ATRNL1: variants seen among roughly 807,000 people sequenced by gnomAD.
ATRNL1 encodes the protein attractin-like protein 1.
ATRNL1 carries 95 observed loss-of-function variants against 182.7 expected under a neutral mutation model. The observed-to-expected ratio is 0.52, with a 90% CI of 0.44 to 0.62. The LOEUF is 0.62. ATRNL1 is among the 20% of genes least tolerant of loss of function. The pLI, the probability that ATRNL1 is intolerant of heterozygous loss-of-function variation, is 0.00. For missense variants in ATRNL1, 1,471 were observed against 1,679.5 expected, an observed-to-expected ratio of 0.88 and a Z score of 2.17; for synonymous variants, 576 against 568.3, an observed-to-expected ratio of 1.01 and a Z score of -0.19.
At chr10:115,700,934 A>G (rs1946715064) in intron 26 of ATRNL1, among the ~76,000 whole-genome samples, 1 of 152,098 alleles carries the variant, frequency 6.6e-6, no homozygotes, top group Non-Finnish European at 1.5e-5. Context: ...CTGGGCTTAA[A>G]TTCTATGCTT....
chr10:115,257,220 C>A (rs1311389341), intron 10 of ATRNL1, among the ~76,000 whole-genome samples: 1 of 152,112 alleles, frequency 6.6e-6, no homozygotes, highest in Non-Finnish European at 1.5e-5. Context: ...CTAATGTTGA[C>A]AGTGGGGTTT....
intron 8 of ATRNL1, among the ~76,000 whole-genome samples, chr10:115,206,221 G>A (rs1211509454): frequency 2.0e-5 from 3 of 151,940 alleles, no homozygotes; most frequent in African/African-American, 7.2e-5. Flanking sequence ...TTATTTTTCT[G>A]TAGCAGCTTT....
intron 8 of ATRNL1, among the ~76,000 whole-genome samples, chr10:115,215,287 A>T (rs567455855): frequency 1.5e-4 from 23 of 152,324 alleles, no homozygotes; most frequent in African/African-American, 5.5e-4. Flanking sequence ...AATGTGTTCA[A>T]TTAATTTTAG....
chr10:115,420,913 T>C (rs1845621851), intron 20 of ATRNL1, among the ~76,000 whole-genome samples: 1 of 152,108 alleles, frequency 6.6e-6, no homozygotes, highest in Non-Finnish European at 1.5e-5. Flanking sequence ...GAGACTATAA[T>C]GAGCAATGAT....
intron 26 of ATRNL1, among the ~76,000 whole-genome samples, chr10:115,618,854 T>G (rs782700201): frequency 2.0e-5 from 3 of 152,202 alleles, no homozygotes; most frequent in Non-Finnish European, 2.9e-5. Flanking sequence ...GGAGTATTAT[T>G]ATGTTCCTTG....
intron 18 of ATRNL1, among the ~76,000 whole-genome samples, chr10:115,324,596 A>C (rs1854772788): frequency 6.6e-6 from 1 of 152,226 alleles, no homozygotes; most frequent in Admixed American, 6.5e-5. Flanking sequence ...ATTGCCATAT[A>C]AGCCTGACAT....
At chr10:115,760,456 G>A (rs1426778026) in intron 27 of ATRNL1, among the ~76,000 whole-genome samples, 24 of 152,132 alleles carry the variant, frequency 1.6e-4, no homozygotes, top group African/African-American at 5.3e-4. Flanking sequence ...TAAATGGTAA[G>A]TCTAGAAGAC....
intron 24 of ATRNL1, among the ~76,000 whole-genome samples, chr10:115,503,354 T>G (rs782593125): frequency 1.6e-4 from 25 of 152,018 alleles, no homozygotes; most frequent in Non-Finnish European, 2.5e-4. Context: ...CTTTAGAGCT[T>G]TAAGAAAATA....
intron 26 of ATRNL1, among the ~76,000 whole-genome samples, chr10:115,579,128 A>T (rs1286810358): frequency 6.6e-6 from 1 of 151,804 alleles, no homozygotes; most frequent in Non-Finnish European, 1.5e-5. Context: ...AACGTGATCT[A>T]TCCTAGAGAC....
At chr10:115,788,196 A>T (rs1276133230) in intron 27 of ATRNL1, among the ~76,000 whole-genome samples, 4 of 152,208 alleles carry the variant, frequency 2.6e-5, no homozygotes, top group African/African-American at 9.6e-5. Context: ...CTGAGTTGAT[A>T]CTGGGTTTCG....
rs560241856 is a variant in ATRNL1 at position 115,811,880 on chromosome 10, A to T, written c.3904-35997A>T. 1.6e-4 allele frequency among the ~76,000 whole-genome samples: 25 copies of T among 152,198 alleles called. No individual in the cohort carries two copies. The South Asian group carries it at 5.2e-3, about 31-fold the overall frequency. On this transcript the variant is annotated intron_variant, in intron 27 of 28. Coordinates refer to ENST00000355044, the MANE Select transcript of ATRNL1 (RefSeq NM_207303.4). ...AACATTTAATTATAAAAATATGTGA[A>T]AATTTGAAAATACTGATAGTCAAAA...
At chr10:115,833,534 C>T (rs1950603665) in intron 27 of ATRNL1, among the ~76,000 whole-genome samples, 1 of 152,080 alleles carries the variant, frequency 6.6e-6, no homozygotes, top group African/African-American at 2.4e-5. Context: ...CTATGTTAAA[C>T]AGACCATTAA....
intron 8 of ATRNL1, among the ~76,000 whole-genome samples, chr10:115,174,870 A>G (rs1413115841): frequency 2.6e-5 from 4 of 151,732 alleles, no homozygotes; most frequent in Non-Finnish European, 5.9e-5. Flanking sequence ...TTTTTTTTGG[A>G]CATTATATAT....
chr10:115,611,892 A>C (rs1395985310), intron 26 of ATRNL1, among the ~76,000 whole-genome samples: 3 of 152,166 alleles, frequency 2.0e-5, no homozygotes, highest in African/African-American at 7.2e-5. Context: ...CAAAGAACTA[A>C]ATTGACAAGA....
intron 27 of ATRNL1, among the ~76,000 whole-genome samples, chr10:115,762,001 A>C (rs575288330): frequency 1.1e-4 from 16 of 152,306 alleles, no homozygotes; most frequent in African/African-American, 3.8e-4. Context: ...TCTTTTAAGT[A>C]TCTAAGATCA....
chr10:115,851,022 C>A (rs1951041721), intron 28 of ATRNL1, among the ~76,000 whole-genome samples: 1 of 152,132 alleles, frequency 6.6e-6, no homozygotes, highest in East Asian at 1.9e-4. Flanking sequence ...AATTAGCGTT[C>A]ATTATTAAGA....
At chr10:115,908,541 A>G (rs569470294) in intron 28 of ATRNL1, among the ~76,000 whole-genome samples, 27 of 152,302 alleles carry the variant, frequency 1.8e-4, no homozygotes, top group African/African-American at 5.8e-4. Context: ...CAGGTTGTCC[A>G]GGATAATCTC....
intron 19 of ATRNL1, among the ~76,000 whole-genome samples, chr10:115,337,796 A>G (rs1855562847): frequency 6.6e-6 from 1 of 152,152 alleles, no homozygotes; most frequent in Non-Finnish European, 1.5e-5. Flanking sequence ...ATCTGTTAAT[A>G]CAGCAGTCCC....
chr10:115,419,330 C>A (rs1845548983), intron 20 of ATRNL1, among the ~76,000 whole-genome samples: 1 of 151,960 alleles, frequency 6.6e-6, no homozygotes, highest in South Asian at 2.1e-4. Flanking sequence ...TAGAGTGAAT[C>A]ACATAACCAC....
Sources: allele counts gnomAD v4.1 joint callset (sites outside exome capture counted in the v4.1 genomes callset), GRCh38; gene constraint gnomAD v4.1.1; transcripts MANE v1.5; gene names NCBI Gene and HGNC (gene_info 2026-07-23, HGNC 2026-07-21).